FRMPD1: variants seen among roughly 807,000 people sequenced by gnomAD.
The protein encoded by FRMPD1 is FERM and PDZ domain-containing protein 1.
FRMPD1 carries 76 observed loss-of-function variants against 117.8 expected under a neutral mutation model. The observed-to-expected ratio is 0.65, with a 90% CI of 0.54 to 0.78. The LOEUF (loss-of-function observed/expected upper bound fraction) is 0.78, where lower values mean the gene tolerates loss of function less well. Ranked by LOEUF, FRMPD1 falls within the 30% of genes least tolerant of loss-of-function variation. The pLI is 0.00. For synonymous variants in FRMPD1, 783 were observed against 770.4 expected (o/e 1.02, Z -0.27); for missense variants, 1,786 against 1,964.5 (o/e 0.91, Z 1.72).
chr9:37,609,905 C>G, the FRMPD1 span, among the ~76,000 whole-genome samples: 2 of 152,176 alleles, frequency 1.3e-5, no homozygotes. Flanking sequence ...TTCCCTCTGC[C>G]TGGACTGCTT....
intron 1 of FRMPD1, among the ~76,000 whole-genome samples, chr9:37,658,177 G>A (rs1244100321): frequency 3.9e-5 from 6 of 152,082 alleles, no homozygotes; most frequent in Admixed American, 1.3e-4. Flanking sequence ...CGCTGTGCAG[G>A]TGGGGGTCTG....
intron 1 of FRMPD1, among the ~76,000 whole-genome samples, chr9:37,654,343 A>G (rs539826718): frequency 3.9e-5 from 6 of 152,282 alleles, no homozygotes; most frequent in African/African-American, 1.4e-4. Flanking sequence ...GGAGAGAGGG[A>G]GCCAGTCTTG....
chr9:37,679,780 G>A (rs1821657302), intron 1 of FRMPD1, among the ~76,000 whole-genome samples: 1 of 152,196 alleles, frequency 6.6e-6, no homozygotes, highest in Non-Finnish European at 1.5e-5. Context: ...CCTGATTGCT[G>A]GTCTCCTGTC....
At chr9:37,632,616 C>T in the FRMPD1 span, among the ~76,000 whole-genome samples, 1 of 152,096 alleles carries the variant, frequency 6.6e-6, no homozygotes. Flanking sequence ...TCATAACTCA[C>T]GATTCTAGAG....
chr9:37,612,518 T>TA, the FRMPD1 span, among the ~76,000 whole-genome samples: 5 of 104,660 alleles, frequency 4.8e-5, no homozygotes, highest in Non-Finnish European at 8.1e-5. Flanking sequence ...CCAGCTAATT[T>TA]TTTTTTTTTT....
At chr9:37,657,838 G>C (rs1588903885) in intron 1 of FRMPD1, among the ~76,000 whole-genome samples, 1 of 152,092 alleles carries the variant, frequency 6.6e-6, no homozygotes, top group Non-Finnish European at 1.5e-5. Flanking sequence ...CAGCCTTTGT[G>C]TGGTGCAGGA....
At chr9:37,636,141 G>A in the FRMPD1 span, among the ~76,000 whole-genome samples, 1 of 152,210 alleles carries the variant, frequency 6.6e-6, no homozygotes, top group Non-Finnish European at 1.5e-5. Flanking sequence ...GGGAGTGTGG[G>A]AGGGGAGAGG....
At chr9:37,636,875 G>T in the FRMPD1 span, 10 of 1,610,936 alleles carry the variant, frequency 6.2e-6, no homozygotes, top group African/African-American at 1.2e-4. Flanking sequence ...CAAAGAGTCT[G>T]CAAACTCCTT....
At position 37,740,823 on chromosome 9, in the gene FRMPD1, C is replaced by A; in HGVS notation, c.2295C>A (p.Gly765=). The change falls in exon 15 of 16, where the codon GGC becomes GGA. Residue 765 remains glycine (G), a synonymous_variant. Coordinates refer to ENST00000377765, the MANE Select transcript of FRMPD1 (RefSeq NM_014907.3). The surrounding 1 kb of genome is among the most constrained non-coding windows in gnomAD (Gnocchi z 4.2). ...ALHPPLAFED[G]SSDEEYYDAA... Reference sequence around the variant, plus strand: ...ACCCACCACTGGCCTTTGAGGATGGCAGCTCAGATGAGGAATACTATGACG... The same window carrying A: ...ACCCACCACTGGCCTTTGAGGATGGAAGCTCAGATGAGGAATACTATGACG... 2 of 1,614,172 alleles carry A rather than the reference C, an allele frequency of 1.2e-6. No individual in the cohort carries two copies. Among genetic ancestry groups the A allele is most frequent in the Non-Finnish European group, 1.7e-6 (2 of 1,180,002 alleles).
rs1824079933 is a variant in FRMPD1, at chr9:37,735,566, A to C, written c.1233A>C (p.Glu411Asp). The C allele has an allele frequency of 6.2e-7, 1 of 1,613,374 alleles. No homozygotes were observed. Among genetic ancestry groups the C allele is most frequent in the East Asian group, 2.2e-5 (1 of 44,882 alleles). Residue 411 changes from glutamate to aspartate, a missense_variant, in exon 13 of 16, where the codon GAA (glutamate) becomes GAC (aspartate). Physicochemically the swap from Glu to Asp is conservative, Grantham distance 45. Transcript: ENST00000377765. ...ACCCTCTGCAGTTACAGGATAGAGAATCCTACATTGCCCTTCTAGTTGGAG... is the reference window on the plus strand; with the variant it reads ...ACCCTCTGCAGTTACAGGATAGAGACTCCTACATTGCCCTTCTAGTTGGAG... ...FNATLMLQDR[E>D]SYIALLVGAK...
chr9:37,678,446 A>G (rs1821607776), intron 1 of FRMPD1, among the ~76,000 whole-genome samples: 1 of 151,798 alleles, frequency 6.6e-6, no homozygotes, highest in African/African-American at 2.4e-5. Context: ...TTTTTAGTAG[A>G]GATGGGGTTT....
At chr9:37,706,318 CT>C (rs1384661250) in intron 2 of FRMPD1, among the ~76,000 whole-genome samples, 5 of 152,140 alleles carry the variant, frequency 3.3e-5, no homozygotes, top group Non-Finnish European at 5.9e-5. Context: ...CTTGTTGAAA[CT>C]GGAGATCATT....
At chr9:37,714,647 C>T (rs10814606) in intron 5 of FRMPD1, among the ~76,000 whole-genome samples, 3,490 of 142,002 alleles carry the variant, frequency 0.025, 93 homozygotes, top group East Asian at 0.062. Context: ...TTTATTTTAT[C>T]TTATTTTATT....
chr9:37,708,968 T>A (rs994712498), intron 4 of FRMPD1, among the ~76,000 whole-genome samples: 2 of 152,222 alleles, frequency 1.3e-5, no homozygotes, highest in Non-Finnish European at 2.9e-5. Context: ...TTCATTGATG[T>A]AGCACCTCCA....
At chr9:37,719,218 G>C (rs767250569) in intron 6 of FRMPD1, 42 bp downstream of exon 6, 3 of 1,238,682 alleles carry the variant, frequency 2.4e-6, no homozygotes, top group Non-Finnish European at 2.4e-6. Flanking sequence ...AAGCTGGCGA[G>C]CTGCCTTCTG....
chr9:37,724,225 G>A lies in FRMPD1; in HGVS notation c.517G>A (p.Gly173Ser), dbSNP rs747367402. The A allele has an allele frequency of 2.0e-6, 3 of 1,515,608 alleles. No individual in the cohort carries two copies. The highest frequency in any genetic ancestry group is 2.2e-5 in the South Asian group (2 of 89,124). 93.9% of individuals were successfully genotyped at this position (1,515,608 alleles called of 1,614,324 possible). A position where few individuals can be genotyped will look rare whatever the true frequency, so the allele number is the denominator to read the frequency against. Residue 173 changes from glycine (G) to serine (S), a missense_variant and splice_region_variant, in exon 7 of 16, where the codon GGT (glycine) becomes AGT (serine). By Grantham distance (56) the Gly-to-Ser change is moderately conservative. Coordinates refer to ENST00000377765, the MANE Select transcript of FRMPD1 (RefSeq NM_014907.3). ...EEVLISGHSQ[G>S]NSLLCMPNVL... The stretch of plus-strand genomic sequence containing the variant: ...ACAACAATACTCTTGTGTTTTCCAG[G>A]GTAATTCTCTGCTGTGTATGCCCAA...
At chr9:37,676,489 C>T (rs1821533055) in intron 1 of FRMPD1, among the ~76,000 whole-genome samples, 2 of 152,108 alleles carry the variant, frequency 1.3e-5, no homozygotes, top group South Asian at 4.2e-4. Context: ...TTTCGGCGAT[C>T]TCTGAATCGA....
intron 1 of FRMPD1, among the ~76,000 whole-genome samples, chr9:37,682,007 G>A (rs557951700): frequency 2.6e-5 from 4 of 152,324 alleles, no homozygotes; most frequent in East Asian, 3.9e-4. Flanking sequence ...CCAGGAACTC[G>A]TCCTAAATGT....
chr9:37,658,586 C>A (rs1415921821), intron 1 of FRMPD1, among the ~76,000 whole-genome samples: 1 of 152,104 alleles, frequency 6.6e-6, no homozygotes, highest in Non-Finnish European at 1.5e-5. Context: ...AAGGGGAATC[C>A]TTCCTTTGTC....
Sources: allele counts gnomAD v4.1 joint callset (sites outside exome capture counted in the v4.1 genomes callset), GRCh38; gene constraint gnomAD v4.1.1; non-coding constraint Gnocchi (gnomAD v3.1); transcripts MANE v1.5; gene names NCBI Gene and HGNC (gene_info 2026-07-23, HGNC 2026-07-21).